Variants in C1orf21 observed in about 807,000 individuals in gnomAD.
The protein encoded by C1orf21 is chromosome 1 open reading frame 21.
A neutral mutation model predicts 18.7 loss-of-function variants in C1orf21; 3 were observed. The observed-to-expected ratio is 0.16, with a 90% CI of 0.07 to 0.42. The LOEUF is 0.42. Among genes scored for constraint, C1orf21 ranks in the 10% least tolerant of loss-of-function variants. The probability of loss-of-function intolerance (pLI) is 0.99; values close to 1 mark genes in which losing one functional copy is unlikely to be tolerated. For missense variants in C1orf21, 104 were observed against 143.6 expected (o/e 0.72, Z 1.41); for synonymous variants, 41 against 46.4 (o/e 0.88, Z 0.47).
intron 5 of C1orf21, among the ~76,000 whole-genome samples, chr1:184,615,275 C>T (rs974893598): frequency 5.9e-5 from 9 of 152,088 alleles, no homozygotes; most frequent in Non-Finnish European, 2.9e-5. Flanking sequence ...AGGGTGTGGT[C>T]GGAAAAATTT....
At chr1:184,507,725 C>T (rs1658084877) in intron 3 of C1orf21, 43 bp downstream of exon 3, 1 of 1,489,238 alleles carries the variant, frequency 6.7e-7, no homozygotes, top group Admixed American at 2.3e-5. Flanking sequence ...TTTGGTGACA[C>T]TATTGTAATA....
chr1:184,610,773 G>T (rs1659722697), intron 5 of C1orf21, among the ~76,000 whole-genome samples: 1 of 151,648 alleles, frequency 6.6e-6, no homozygotes, highest in Non-Finnish European at 1.5e-5. Flanking sequence ...GCGTGAACCT[G>T]GGAGGCGGAG....
intron 1 of C1orf21, among the ~76,000 whole-genome samples, chr1:184,424,562 C>G (rs1656601544): frequency 1.3e-5 from 2 of 152,112 alleles, no homozygotes; most frequent in Non-Finnish European, 2.9e-5. Context: ...GTGTTCTAAC[C>G]TTGGTAGAGA....
At chr1:184,399,492 A>T (rs1013598518) in intron 1 of C1orf21, among the ~76,000 whole-genome samples, 5 of 150,564 alleles carry the variant, frequency 3.3e-5, no homozygotes, top group Non-Finnish European at 7.4e-5. Context: ...CCTGTCGAGT[A>T]GCTGGGACTA....
chr1:184,410,025 AT>A (rs1656307735), intron 1 of C1orf21, among the ~76,000 whole-genome samples: 1 of 152,202 alleles, frequency 6.6e-6, no homozygotes, highest in Non-Finnish European at 1.5e-5. Context: ...GTATTTTTTT[AT>A]TATGAATTGA....
chr1:184,507,855 C>G (rs1286629219), intron 3 of C1orf21, among the ~76,000 whole-genome samples, 173 bp downstream of exon 3: 1 of 152,146 alleles, frequency 6.6e-6, no homozygotes, highest in Non-Finnish European at 1.5e-5. Context: ...CTGTTTGTCT[C>G]TGAATAAGCC....
At position 184,619,202 on chromosome 1, in the gene C1orf21, G is replaced by A. The variant is rs544261452; in HGVS notation, c.328-316G>A. 3.2e-4 allele frequency among the ~76,000 whole-genome samples: 49 copies of A among 152,282 alleles called. No individual in the cohort carries two copies. In the South Asian group the frequency reaches 3.5e-3, roughly 11 times the overall value. On this transcript the variant is annotated intron_variant, in intron 5 of 5. Coordinates refer to ENST00000235307, the MANE Select transcript of C1orf21 (RefSeq NM_030806.4). ...CTTCCTGATAAGAAATTGATCTCCTGAATGGATTGGCCATTTGGTAATTTC... is the reference window on the plus strand; with the variant it reads ...CTTCCTGATAAGAAATTGATCTCCTAAATGGATTGGCCATTTGGTAATTTC...
chr1:184,543,085 C>T (rs1247299914), intron 3 of C1orf21, among the ~76,000 whole-genome samples: 1 of 152,210 alleles, frequency 6.6e-6, no homozygotes, highest in Admixed American at 6.5e-5. Context: ...TCCTCTGGCT[C>T]AACGCCTGTA....
At chr1:184,398,541 C>G (rs149061961) in intron 1 of C1orf21, among the ~76,000 whole-genome samples, 1 of 152,184 alleles carries the variant, frequency 6.6e-6, no homozygotes, top group Non-Finnish European at 1.5e-5. Flanking sequence ...AATAGATTGT[C>G]ATTTAACCAC....
chr1:184,448,010 A>G (rs1657059178), intron 1 of C1orf21, among the ~76,000 whole-genome samples: 1 of 152,100 alleles, frequency 6.6e-6, no homozygotes, highest in African/African-American at 2.4e-5. Flanking sequence ...TTCTACCTAG[A>G]GCTCACCATC....
chr1:184,425,804 A>G (rs1424691044), intron 1 of C1orf21, among the ~76,000 whole-genome samples: 3 of 152,150 alleles, frequency 2.0e-5, no homozygotes, highest in African/African-American at 4.8e-5. Context: ...AGACATTCAC[A>G]CAGCTTTGTT....
intron 3 of C1orf21, among the ~76,000 whole-genome samples, chr1:184,543,780 A>G (rs1658691656): frequency 6.6e-6 from 1 of 152,202 alleles, no homozygotes; most frequent in South Asian, 2.1e-4. Context: ...GAGACTTACA[A>G]TGATTTCAGA....
At chr1:184,595,262 C>T (rs1273041314) in intron 4 of C1orf21, among the ~76,000 whole-genome samples, 35 of 152,140 alleles carry the variant, frequency 2.3e-4, no homozygotes, top group Admixed American at 2.3e-3. Flanking sequence ...ATTATTCATC[C>T]TTTATGAACT....
At chr1:184,562,632 A>G (rs867940998) in intron 3 of C1orf21, among the ~76,000 whole-genome samples, 2 of 152,270 alleles carry the variant, frequency 1.3e-5, no homozygotes, top group South Asian at 4.1e-4. Context: ...TCATTTGTCT[A>G]CACAGCGCCT....
At chr1:184,481,632 G>A (rs920007245) in intron 2 of C1orf21, among the ~76,000 whole-genome samples, 2 of 152,092 alleles carry the variant, frequency 1.3e-5, no homozygotes, top group African/African-American at 4.8e-5. Context: ...GCCATAAAGC[G>A]TCGTTTAAGG....
rs1051201720 is a variant in C1orf21, at chr1:184,621,374, C to T, written c.*1818C>T. The T allele has an allele frequency of 5.2e-4, 79 of 152,602 alleles. No homozygotes were observed. Among genetic ancestry groups the T allele is most frequent in the African/African-American group, 1.8e-3 (76 of 41,450 alleles). The allele number at this position is 152,602 out of a possible 1,614,324, so 9.5% of individuals were successfully genotyped here. A position where few individuals can be genotyped will look rare whatever the true frequency, so the allele number is the denominator to read the frequency against. ...GCAGCCAAAATTTTAGGCCTTTTATCCTGCTTCTAGCAGAAAAATGCAGGG... is the reference window on the plus strand; with the variant it reads ...GCAGCCAAAATTTTAGGCCTTTTATTCTGCTTCTAGCAGAAAAATGCAGGG... On this transcript the variant is annotated 3_prime_UTR_variant, in exon 6 of 6. Transcript: ENST00000235307.
chr1:184,530,243 G>A (rs753445012), intron 3 of C1orf21, among the ~76,000 whole-genome samples: 3 of 152,144 alleles, frequency 2.0e-5, no homozygotes, highest in Non-Finnish European at 4.4e-5. Flanking sequence ...CTAAATCTCA[G>A]TTATTTAGCT....
chr1:184,545,556 C>G (rs1257400161), intron 3 of C1orf21, among the ~76,000 whole-genome samples: 1 of 152,028 alleles, frequency 6.6e-6, no homozygotes, highest in Non-Finnish European at 1.5e-5. Flanking sequence ...TGCCTGTCTT[C>G]AGGGAACTAT....
At chr1:184,392,578 A>G (rs1393338289) in intron 1 of C1orf21, among the ~76,000 whole-genome samples, 1 of 152,132 alleles carries the variant, frequency 6.6e-6, no homozygotes. Context: ...CACTCCTATC[A>G]TCTAAATCTA....
Sources: allele counts gnomAD v4.1 joint callset (sites outside exome capture counted in the v4.1 genomes callset), GRCh38; gene constraint gnomAD v4.1.1; transcripts MANE v1.5; gene names NCBI Gene and HGNC (gene_info 2026-07-23, HGNC 2026-07-21).